GLP2R: variants seen among roughly 807,000 people sequenced by gnomAD.
GLP2R encodes the protein glucagon-like peptide 2 receptor.
In GLP2R, 59 loss-of-function variants were observed where a neutral mutation model predicts 68.2. The ratio of observed to expected loss-of-function variants is 0.87; its 90% CI spans 0.70 to 1.07. GLP2R has a LOEUF of 1.07. Among genes scored for constraint, GLP2R ranks in the 50% least tolerant of loss-of-function variants. The probability of loss-of-function intolerance (pLI) is 0.00; values close to 1 mark genes in which losing one functional copy is unlikely to be tolerated. For missense variants in GLP2R, 548 were observed against 677.4 expected, an observed-to-expected ratio of 0.81 and a Z score of 2.12; for synonymous variants, 270 against 265.4, an observed-to-expected ratio of 1.02 and a Z score of -0.17.
intron 4 of GLP2R, among the ~76,000 whole-genome samples, chr17:9,847,356 G>A (rs1047106333): frequency 9.9e-5 from 15 of 151,744 alleles, no homozygotes; most frequent in African/African-American, 2.4e-4. Context: ...TGCAACCTCC[G>A]CCTTCCGGTT....
Position 9,889,437 on chromosome 17 carries a change from G to A in GLP2R, c.1394G>A (p.Cys465Tyr). Reference protein sequence around the residue: ...LLARHSGCRACVLGKDFRFLG... With the variant: ...LLARHSGCRAYVLGKDFRFLG... The stretch of plus-strand genomic sequence containing the variant: ...GCCCGCCACTCAGGCTGCAGAGCCT[G>A]TGTCCTGGGGAAGGACTTCCGGTTC... Residue 465 changes from cysteine to tyrosine, a missense_variant, in exon 13 of 13, where the codon TGT becomes TAT. Coordinates refer to ENST00000262441, the MANE Select transcript of GLP2R (RefSeq NM_004246.3). 6.2e-7 allele frequency: 1 copy of A among 1,614,178 alleles called. No homozygotes were observed. Among genetic ancestry groups the A allele is most frequent in the Non-Finnish European group, 8.5e-7 (1 of 1,179,966 alleles).
chr17:9,845,754 T>TGTGTGC (rs2066831944), intron 4 of GLP2R, among the ~76,000 whole-genome samples: 1 of 89,312 alleles, frequency 1.1e-5, no homozygotes, highest in African/African-American at 9.2e-5. Flanking sequence ...TGTGCGTGTG[T>TGTGTGC]GTGTGTGTGT....
intron 10 of GLP2R, among the ~76,000 whole-genome samples, chr17:9,879,264 A>AATAAT (rs1262259958): frequency 0.28 from 4,450 of 15,668 alleles, 239 homozygotes; most frequent in East Asian, 0.51. Context: ...TATAAAATAA[A>AATAAT]ATAAAATAAA....
chr17:9,863,499 G>A lies in GLP2R; in HGVS notation c.1056+1409G>A, dbSNP rs573401571. Among the ~76,000 whole-genome samples the A allele has an allele frequency of 6.6e-5, 10 of 152,232 alleles. 1 individual carries two copies. The highest frequency in any genetic ancestry group is 3.4e-3 in the Middle Eastern group (1 of 294). On this transcript the variant is annotated intron_variant, in intron 9 of 12. Transcript: ENST00000262441. ...GGGATGACAGCTGGCACTTTTAACC[G>A]TAGCACTGTGCAGCTCAAAAACTAT...
intron 11 of GLP2R, among the ~76,000 whole-genome samples, chr17:9,881,262 C>T (rs1462433618): frequency 6.6e-6 from 1 of 151,902 alleles, no homozygotes; most frequent in Middle Eastern, 3.4e-3. Context: ...TCTGAGGCCT[C>T]ATTTCTCAGT....
chr17:9,879,245 T>A (rs2067168244), intron 10 of GLP2R, among the ~76,000 whole-genome samples: 2 of 128,588 alleles, frequency 1.6e-5, no homozygotes. Context: ...CAACATAAGA[T>A]CCCCTCTCTA....
chr17:9,861,125 T>C lies in GLP2R; in HGVS notation c.926-14T>C. On this transcript the variant is annotated splice_polypyrimidine_tract_variant and intron_variant, in intron 7 of 12. Coordinates refer to ENST00000262441, the MANE Select transcript of GLP2R (RefSeq NM_004246.3). ...ACCAACTCCTAACTACATTTCCCTG[T>C]GTTTTCTCCCCAGCCTTCCCTGTGC... 6.2e-7 allele frequency: 1 copy of C among 1,612,152 alleles called. No homozygotes were observed. Among genetic ancestry groups the C allele is most frequent in the Non-Finnish European group, 8.5e-7 (1 of 1,178,378 alleles).
chr17:9,891,156 A>T lies in GLP2R; in HGVS notation c.*1451A>T, dbSNP rs1210708282. The T allele has an allele frequency of 1.3e-5, 2 of 152,228 alleles. No individual in the cohort carries two copies. Among genetic ancestry groups the T allele is most frequent in the Non-Finnish European group, 2.9e-5 (2 of 68,036 alleles). 9.4% of individuals were successfully genotyped at this position (152,228 alleles called of 1,614,324 possible). On this transcript the variant is annotated 3_prime_UTR_variant, in exon 13 of 13. Transcript: ENST00000262441. Reference sequence around the variant, plus strand: ...AAAACAAGGTACTCAATTAAATTTGAATTTCAGACAAATAGTCTTCTTGTA... The same window carrying T: ...AAAACAAGGTACTCAATTAAATTTGTATTTCAGACAAATAGTCTTCTTGTA...
At chr17:9,847,085 C>T (rs188344094) in intron 4 of GLP2R, among the ~76,000 whole-genome samples, 75 of 152,302 alleles carry the variant, frequency 4.9e-4, no homozygotes, top group Admixed American at 5.9e-4. Context: ...CCAGTGTGAC[C>T]GCAGAGGATG....
At chr17:9,864,370 C>T (rs1011186731) in intron 9 of GLP2R, among the ~76,000 whole-genome samples, 1 of 152,178 alleles carries the variant, frequency 6.6e-6, no homozygotes, top group African/African-American at 2.4e-5. Context: ...TCTTTGTCTA[C>T]TCCTGGAGTT....
rs71139004 is a variant in GLP2R at position 9,844,668 on chromosome 17, C to CTTTTTTTTTTTTTT, written c.504+2077_504+2090dup. 2.4e-3 allele frequency among the ~76,000 whole-genome samples: 106 copies of CTTTTTTTTTTTTTT among 44,316 alleles called. 35 individuals carry two copies. The highest frequency in any genetic ancestry group is 3.3e-3 in the Non-Finnish European group (70 of 21,402). 29.1% of individuals were successfully genotyped at this position (44,316 alleles called of 152,430 possible). A position where few individuals can be genotyped will look rare whatever the true frequency, so the allele number is the denominator to read the frequency against. On this transcript the variant is annotated intron_variant, in intron 4 of 12. Transcript: ENST00000262441. ...ATTCTCAATATTTTACTACCTAATT[C>CTTTTTTTTTTTTTT]TTTTTTTTTTTTTTTTTTTTTTTTT...
At chr17:9,869,047 T>TTATTGA (rs2067067235) in intron 9 of GLP2R, among the ~76,000 whole-genome samples, 1 of 152,214 alleles carries the variant, frequency 6.6e-6, no homozygotes, top group African/African-American at 2.4e-5. Context: ...CCTGCTGGCT[T>TTATTGA]CAGGCCCTCA....
rs562267471 is a variant in GLP2R, at chr17:9,889,691, G to A, written c.1648G>A (p.Glu550Lys). 4.5e-5 allele frequency: 71 copies of A among 1,568,374 alleles called. No individual in the cohort carries two copies. The South Asian group carries it at 7.3e-4, about 16-fold the overall frequency. The stretch of plus-strand genomic sequence containing the variant: ...CAACACCATGGAGGAGATTCTGGAA[G>A]AGAGTGAGATCTAGGGTGGAGTTCC... ...MANTMEEILE[E>K]SEI The change falls in exon 13 of 13, where the codon GAG becomes AAG. Residue 550 changes from glutamate (E) to lysine (K), a missense_variant. Glu to Lys is a moderately conservative substitution (Grantham distance 56). Coordinates refer to ENST00000262441, the MANE Select transcript of GLP2R (RefSeq NM_004246.3).
At chr17:9,882,633 G>T (rs540446645) in intron 11 of GLP2R, among the ~76,000 whole-genome samples, 1 of 152,322 alleles carries the variant, frequency 6.6e-6, no homozygotes, top group Admixed American at 6.5e-5. Context: ...GTGACATATG[G>T]ATCCATTGGC....
rs758992899 is a variant in GLP2R, at chr17:9,854,575, G to A, written c.585G>A (p.Leu195=). The change falls in exon 5 of 13, where the codon CTG becomes CTA. Residue 195 remains leucine, a synonymous_variant. Transcript: ENST00000262441. ...GYSFSLISLF[L]ALTLLLFLRK... ...CCTTCTCTCTTATCTCCCTCTTCCT[G>A]GCTCTCACCCTCCTCTTGTTTCTTC... is the stretch of plus-strand genomic sequence containing the variant. 4 of 1,607,630 alleles carry A rather than the reference G, an allele frequency of 2.5e-6. No individual in the cohort carries two copies. In the African/African-American group the frequency reaches 5.4e-5, roughly 22 times the overall value.
At chr17:9,827,509 T>G (rs1013763881) in intron 1 of GLP2R, among the ~76,000 whole-genome samples, 3 of 152,230 alleles carry the variant, frequency 2.0e-5, no homozygotes, top group Non-Finnish European at 4.4e-5. Flanking sequence ...TTAACTATCC[T>G]CTATCGTTGG....
intron 1 of GLP2R, among the ~76,000 whole-genome samples, chr17:9,828,306 G>A (rs1219963861): frequency 6.6e-6 from 1 of 152,228 alleles, no homozygotes; most frequent in Non-Finnish European, 1.5e-5. Flanking sequence ...GGTGGCCCTG[G>A]CCTGCCTCTG....
At position 9,891,939 on chromosome 17, in the gene GLP2R, G is replaced by A. The variant is rs2067294619; in HGVS notation, c.*2234G>A. 1.3e-5 allele frequency: 2 copies of A among 152,182 alleles called. No individual in the cohort carries two copies. The highest frequency in any genetic ancestry group is 2.4e-5 in the African/African-American group (1 of 41,430). The allele number at this position is 152,182 out of a possible 1,614,324, so 9.4% of individuals were successfully genotyped here. Reference sequence around the variant, plus strand: ...ACAGAAATGGCTCTCGGGAGCCTCGGATGCTGCTGGGAGTAAGTGATCCAG... The same window carrying A: ...ACAGAAATGGCTCTCGGGAGCCTCGAATGCTGCTGGGAGTAAGTGATCCAG... On this transcript the variant is annotated 3_prime_UTR_variant, in exon 13 of 13. Transcript: ENST00000262441.
At chr17:9,873,402 T>A (rs73257187) in intron 10 of GLP2R, among the ~76,000 whole-genome samples, 1 of 151,912 alleles carries the variant, frequency 6.6e-6, no homozygotes, top group Non-Finnish European at 1.5e-5. Context: ...CCCGGACAGC[T>A]GGCCAGAAGT....
Sources: gnomAD v4.1 joint callset for allele counts (sites outside exome capture counted in the v4.1 genomes callset) on GRCh38, gnomAD v4.1.1 for gene constraint, MANE v1.5 for transcripts, NCBI Gene and HGNC (gene_info 2026-07-23, HGNC 2026-07-21) for gene names.